NEDD9: variants seen among roughly 807,000 people sequenced by gnomAD.
NEDD9 encodes neural precursor cell expressed, developmentally down-regulated 9, also known as enhancer of filamentation 1.
In NEDD9, 26 loss-of-function variants were observed where a neutral mutation model predicts 76.6. That is an observed-to-expected ratio of 0.34 (90% CI 0.25 to 0.47). NEDD9 has a LOEUF of 0.47. NEDD9 is among the 20% of genes least tolerant of loss of function. The pLI is 1.00. For synonymous variants in NEDD9, 392 were observed against 414.2 expected, an observed-to-expected ratio of 0.95 and a Z score of 0.65; for missense variants, 937 against 1,058.5, an observed-to-expected ratio of 0.89 and a Z score of 1.59.
intron 1 of NEDD9, chr6:11,352,811 G>A (rs1192753733): frequency 6.6e-6 from 1 of 152,254 alleles, no homozygotes; most frequent in Non-Finnish European, 1.5e-5. Flanking sequence ...AGCGGTAATA[G>A]CAATCATGAT....
At chr6:11,294,980 G>A (rs777536851) in intron 3 of NEDD9, among the ~76,000 whole-genome samples, 1 of 152,214 alleles carries the variant, frequency 6.6e-6, no homozygotes, top group African/African-American at 2.4e-5. Flanking sequence ...TTTGTAAAGG[G>A]CAGTTCCACT....
intron 3 of NEDD9, among the ~76,000 whole-genome samples, chr6:11,302,612 C>T (rs1761079101): frequency 6.6e-6 from 1 of 152,086 alleles, no homozygotes; most frequent in Non-Finnish European, 1.5e-5. Flanking sequence ...TGCAAAAATC[C>T]TCAATAAAAT....
At chr6:11,260,792 T>A (rs1760094060) in intron 3 of NEDD9, among the ~76,000 whole-genome samples, 1 of 152,114 alleles carries the variant, frequency 6.6e-6, no homozygotes, top group Non-Finnish European at 1.5e-5. Context: ...TATTTCTCAG[T>A]TTTCTGTGGG....
Position 11,184,981 on chromosome 6 carries a change from A to G in NEDD9, c.*181T>C, listed in dbSNP as rs938799769. 16 of 773,404 alleles carry G rather than the reference A, an allele frequency of 2.1e-5. No individual in the cohort carries two copies. Among genetic ancestry groups the G allele is most frequent in the Non-Finnish European group, 3.1e-5 (16 of 513,144 alleles). The allele number at this position is 773,404 out of a possible 1,614,324, so 47.9% of individuals were successfully genotyped here. On this transcript the variant is annotated 3_prime_UTR_variant, in exon 7 of 7. Coordinates refer to ENST00000379446, the MANE Select transcript of NEDD9 (RefSeq NM_006403.4). ...TACATAAGAACCACTCAGGGGGAAAAAAAAAGATTTCCCTCTCCAGCTCCC... is the reference window on the plus strand; with the variant it reads ...TACATAAGAACCACTCAGGGGGAAAGAAAAAGATTTCCCTCTCCAGCTCCC...
At chr6:11,245,631 G>A (rs80110473) in intron 3 of NEDD9, among the ~76,000 whole-genome samples, 1,322 of 114,164 alleles carry the variant, frequency 0.012, 17 homozygotes, top group African/African-American at 0.051. Context: ...ATAAACTTGC[G>A]TTGGGGGAAA....
intron 3 of NEDD9, among the ~76,000 whole-genome samples, chr6:11,276,098 C>T (rs572559134): frequency 5.5e-4 from 84 of 152,180 alleles, no homozygotes; most frequent in African/African-American, 1.8e-3. Context: ...TCAAACAATA[C>T]GCTAGATTTG....
chr6:11,265,946 C>CCA (rs769363510), intron 3 of NEDD9, among the ~76,000 whole-genome samples: 1 of 151,766 alleles, frequency 6.6e-6, no homozygotes, highest in Non-Finnish European at 1.5e-5. Context: ...GAGTCAAATA[C>CCA]CACATGTTCT....
chr6:11,191,447 C>A (rs1192769780), intron 4 of NEDD9, among the ~76,000 whole-genome samples: 1 of 152,166 alleles, frequency 6.6e-6, no homozygotes, highest in Non-Finnish European at 1.5e-5. Context: ...ATTGCTCACC[C>A]TGTGTTTCCA....
chr6:11,253,022 C>T (rs1189628376), intron 3 of NEDD9, among the ~76,000 whole-genome samples: 1 of 152,018 alleles, frequency 6.6e-6, no homozygotes, highest in Non-Finnish European at 1.5e-5. Context: ...GGAGTAGGGG[C>T]ACGAGAATGT....
chr6:11,324,299 TC>T (rs1187062430), intron 2 of NEDD9, among the ~76,000 whole-genome samples: 4 of 152,222 alleles, frequency 2.6e-5, no homozygotes, highest in Admixed American at 1.3e-4. Context: ...GCATGTGCTC[TC>T]GGGCTGTACC....
intron 1 of NEDD9, among the ~76,000 whole-genome samples, chr6:11,227,151 G>A (rs1759330811): frequency 6.6e-6 from 1 of 152,192 alleles, no homozygotes; most frequent in Non-Finnish European, 1.5e-5. Context: ...AGCAAGTGGG[G>A]TCATATGCTG....
At chr6:11,239,071 G>A (rs919956286) in intron 3 of NEDD9, among the ~76,000 whole-genome samples, 3 of 152,138 alleles carry the variant, frequency 2.0e-5, no homozygotes, top group South Asian at 2.1e-4. Flanking sequence ...GGAGGCTGAG[G>A]GGGGAGGATC....
rs148897037 is a variant in NEDD9, at chr6:11,203,453, C to T, written c.460-9761G>A. On this transcript the variant is annotated intron_variant, in intron 2 of 6. Transcript: ENST00000379446. ...GATGAGAATTTTGGGACCCAAATGC[C>T]GATTGGTATCATTTCTTCCTAAAGA... Among the ~76,000 whole-genome samples the T allele has an allele frequency of 5.9e-3, 903 of 152,180 alleles. 4 individuals carry two copies. The highest frequency in any genetic ancestry group is 0.021 in the African/African-American group (857 of 41,506).
At chr6:11,307,968 C>T (rs1220733685) in intron 2 of NEDD9, among the ~76,000 whole-genome samples, 1 of 152,142 alleles carries the variant, frequency 6.6e-6, no homozygotes, top group Non-Finnish European at 1.5e-5. Context: ...ACCATGCCCA[C>T]CCGAGATCCA....
intron 1 of NEDD9, among the ~76,000 whole-genome samples, chr6:11,226,849 T>G (rs1759322892): frequency 6.6e-6 from 1 of 152,242 alleles, no homozygotes; most frequent in Admixed American, 6.5e-5. Flanking sequence ...TCATATATTA[T>G]ATCCTATAAC....
chr6:11,357,042 C>T (rs1464820695), intron 1 of NEDD9, among the ~76,000 whole-genome samples: 1 of 152,136 alleles, frequency 6.6e-6, no homozygotes, highest in Non-Finnish European at 1.5e-5. Context: ...ACTGGGGTCT[C>T]GTTGAGCCAC....
At chr6:11,295,058 T>C (rs1317796267) in intron 3 of NEDD9, among the ~76,000 whole-genome samples, 1 of 152,232 alleles carries the variant, frequency 6.6e-6, no homozygotes, top group Non-Finnish European at 1.5e-5. Flanking sequence ...CTGCATTGAC[T>C]GTGAGGCCTC....
rs187620224 is a variant in NEDD9, at chr6:11,348,417, T to C, written c.-213-13856A>G. ...ACTACCAATGACATTCTTCACAGAATTAGAAAAAACTATTTAAAAATTAGT... is the reference window on the plus strand; with the variant it reads ...ACTACCAATGACATTCTTCACAGAACTAGAAAAAACTATTTAAAAATTAGT... On this transcript the variant is annotated intron_variant, in intron 1 of 3. Transcript: ENST00000397378. Among the ~76,000 whole-genome samples, 612 of 152,272 alleles carry C rather than the reference T, an allele frequency of 4.0e-3. 2 individuals carry two copies. The highest frequency in any genetic ancestry group is 0.014 in the African/African-American group (582 of 41,556).
chr6:11,272,659 C>G (rs535310207), intron 3 of NEDD9, among the ~76,000 whole-genome samples: 2 of 152,308 alleles, frequency 1.3e-5, no homozygotes, highest in East Asian at 3.9e-4. Flanking sequence ...TGCTCAGTTC[C>G]TTGCCTCCCC....
Sources: allele counts gnomAD v4.1 joint callset (sites outside exome capture counted in the v4.1 genomes callset), GRCh38; gene constraint gnomAD v4.1.1; transcripts MANE v1.5; gene names NCBI Gene and HGNC (gene_info 2026-07-23, HGNC 2026-07-21).